The following VIT variants were observed in gnomAD, a reference collection of about 807,000 sequenced individuals.
VIT encodes the protein vitrin.
In VIT, 99 loss-of-function variants were observed where a neutral mutation model predicts 78.0. The observed-to-expected ratio is 1.27, with a 90% confidence interval of 1.08 to 1.50. The LOEUF (loss-of-function observed/expected upper bound fraction) is 1.50, where lower values mean the gene tolerates loss of function less well. Ranked by LOEUF, VIT falls within the 40% of genes most tolerant of loss-of-function variation. The pLI is 0.00. For missense variants in VIT, 1,126 were observed against 875.3 expected (o/e 1.29, Z -3.61); for synonymous variants, 374 against 334.3 (o/e 1.12, Z -1.29).
intron 2 of VIT, among the ~76,000 whole-genome samples, chr2:36,721,360 T>A (rs550056008): frequency 1.3e-5 from 2 of 152,052 alleles, no homozygotes; most frequent in Non-Finnish European, 2.9e-5. Context: ...CCTCTCCAGG[T>A]CCTCATGTGT....
rs777158807 is a variant in VIT at position 36,808,610 on chromosome 2, G to T, written c.1528G>T (p.Asp510Tyr). 6.2e-7 allele frequency: 1 copy of T among 1,614,230 alleles called. No homozygotes were observed. The highest frequency in any genetic ancestry group is 1.3e-5 in the African/African-American group (1 of 75,070). ...ACSKTCLNSA[D>Y]IGFVIDGSSS... ...CAGCAAGACCTGCTTGAACTCGGCT[G>T]ACATTGGCTTCGTCATCGACGGCTC... is the stretch of plus-strand genomic sequence containing the variant. Residue 510 changes from aspartate (D) to tyrosine (Y), a missense_variant, in exon 15 of 16, where the codon GAC (aspartate) becomes TAC (tyrosine). Physicochemically the swap from Asp to Tyr is radical, Grantham distance 160. Transcript: ENST00000379242.
At chr2:36,752,174 T>A (rs1254470647) in intron 4 of VIT, among the ~76,000 whole-genome samples, 1 of 152,180 alleles carries the variant, frequency 6.6e-6, no homozygotes. Context: ...ATGAACATAT[T>A]TGAGGCATCA....
intron 4 of VIT, among the ~76,000 whole-genome samples, chr2:36,754,543 T>G (rs890680787): frequency 6.6e-6 from 1 of 152,208 alleles, no homozygotes; most frequent in African/African-American, 2.4e-5. Context: ...ATATCACCCT[T>G]TGGAATAACT....
intron 9 of VIT, among the ~76,000 whole-genome samples, chr2:36,777,574 G>A (rs894186620): frequency 2.0e-5 from 3 of 152,122 alleles, no homozygotes; most frequent in Admixed American, 6.5e-5. Flanking sequence ...TTTGGGGTAA[G>A]GCTTGTCTCA....
At chr2:36,742,226 C>A (rs1299648442) in intron 3 of VIT, among the ~76,000 whole-genome samples, 1 of 152,160 alleles carries the variant, frequency 6.6e-6, no homozygotes, top group African/African-American at 2.4e-5. Context: ...AGTCCTACCC[C>A]TTCTGGGATA....
chr2:36,789,439 A>C (rs1341554882), intron 12 of VIT, among the ~76,000 whole-genome samples: 1 of 152,216 alleles, frequency 6.6e-6, no homozygotes, highest in Admixed American at 6.5e-5. Context: ...TCAGGGTCCC[A>C]AGGAGGTGGG....
intron 10 of VIT, among the ~76,000 whole-genome samples, chr2:36,781,977 A>G (rs1473260045): frequency 6.6e-6 from 1 of 152,130 alleles, no homozygotes; most frequent in Non-Finnish European, 1.5e-5. Context: ...GCAATATTGG[A>G]TAACAAAAGG....
intron 15 of VIT, among the ~76,000 whole-genome samples, chr2:36,809,793 G>A (rs886612170): frequency 6.6e-5 from 10 of 152,148 alleles, no homozygotes; most frequent in African/African-American, 7.2e-5. Context: ...AACCAGATTC[G>A]TGGGGCTTCA....
chr2:36,699,051 G>GC (rs1289000652), intron 1 of VIT, among the ~76,000 whole-genome samples: 2 of 151,518 alleles, frequency 1.3e-5, no homozygotes, highest in African/African-American at 4.9e-5. Flanking sequence ...AAACTTCATG[G>GC]CCCCCAACAT....
At chr2:36,743,662 A>C (rs1667970396) in intron 4 of VIT, among the ~76,000 whole-genome samples, 1 of 152,200 alleles carries the variant, frequency 6.6e-6, no homozygotes, top group African/African-American at 2.4e-5. Flanking sequence ...CATAGAGCTT[A>C]AATAGTTCAT....
chr2:36,766,013 G>C (rs750480804), intron 6 of VIT, among the ~76,000 whole-genome samples: 1 of 152,232 alleles, frequency 6.6e-6, no homozygotes, highest in Non-Finnish European at 1.5e-5. Context: ...CCGAGGAGCT[G>C]TTCACTTTGG....
At chr2:36,783,529 T>G in intron 11 of VIT, 127 bp downstream of exon 11, 1 of 863,394 alleles carries the variant, frequency 1.2e-6, no homozygotes, top group South Asian at 1.7e-5. Context: ...TCCTCTCTTC[T>G]GACACCTTGT....
chr2:36,787,389 A>G, intron 12 of VIT, 113 bp downstream of exon 12: 2 of 1,372,870 alleles, frequency 1.5e-6, no homozygotes, highest in Non-Finnish European at 1.9e-6. Context: ...TTGAGCACAG[A>G]TTTGTTCTCT....
chr2:36,726,564 C>T (rs576621010), intron 2 of VIT, among the ~76,000 whole-genome samples: 2 of 152,088 alleles, frequency 1.3e-5, no homozygotes, highest in South Asian at 2.1e-4. Flanking sequence ...AGCCTCAGGC[C>T]GGGTGTGGTG....
intron 15 of VIT, among the ~76,000 whole-genome samples, chr2:36,811,365 G>C (rs1355115791): frequency 2.0e-5 from 3 of 152,158 alleles, no homozygotes; most frequent in Non-Finnish European, 4.4e-5. Flanking sequence ...TACGTCTTTT[G>C]GGCCTCAATC....
rs147337519 is a variant in VIT at position 36,796,335 on chromosome 2, G to C, written c.1059-4966G>C. ...AAACAAGGTTATATATTGTTCTGTT[G>C]ATGAAAATGTTGTGACCAGAGGCTC... On this transcript the variant is annotated intron_variant, in intron 12 of 15. Coordinates refer to ENST00000379242, the MANE Select transcript of VIT (RefSeq NM_053276.4). Among the ~76,000 whole-genome samples the C allele has an allele frequency of 4.5e-3, 681 of 152,320 alleles. 9 individuals are homozygous for C. The highest frequency in any genetic ancestry group is 0.016 in the African/African-American group (661 of 41,568).
chr2:36,767,362 G>T, intron 7 of VIT, 77 bp downstream of exon 7: 1 of 1,371,274 alleles, frequency 7.3e-7, no homozygotes, highest in South Asian at 1.8e-5. Context: ...CTCTGTCTGA[G>T]CATCTACTGG....
chr2:36,717,448 G>C (rs888886264), intron 2 of VIT, among the ~76,000 whole-genome samples: 3 of 146,134 alleles, frequency 2.1e-5, no homozygotes. Flanking sequence ...GTGTTAGCCA[G>C]GATGGTCTCG....
chr2:36,763,583 C>CTTTTTTTTTTTTTTTTTTTTTTTTT (rs70946947), intron 6 of VIT, among the ~76,000 whole-genome samples: 1 of 60,434 alleles, frequency 1.7e-5, no homozygotes, highest in Non-Finnish European at 3.1e-5. Flanking sequence ...TCTATCTTCC[C>CTTTTTTTTTTTTTTTTTTTTTTTTT]TTTTTTTTTT....
Sources: allele counts gnomAD v4.1 joint callset (sites outside exome capture counted in the v4.1 genomes callset), GRCh38; gene constraint gnomAD v4.1.1; transcripts MANE v1.5; gene names NCBI Gene and HGNC (gene_info 2026-07-23, HGNC 2026-07-21).